The following CSMD2 variants were observed in gnomAD, a reference collection of about 807,000 sequenced individuals.
CSMD2 encodes CUB and sushi domain-containing protein 2.
A neutral mutation model predicts 398.5 loss-of-function variants in CSMD2; 130 were observed. The observed-to-expected ratio is 0.33, with a 90% confidence interval of 0.28 to 0.38. The LOEUF is 0.38. Among genes scored for constraint, CSMD2 ranks in the 10% least tolerant of loss-of-function variants. The probability of loss-of-function intolerance (pLI) is 1.00; values close to 1 mark genes in which losing one functional copy is unlikely to be tolerated. For synonymous variants in CSMD2, 1,828 were observed against 1,908.5 expected (o/e 0.96, Z 1.10); for missense variants, 3,829 against 4,764.9 (o/e 0.80, Z 5.78).
chr1:33,894,827 C>G (rs1642271541), intron 5 of CSMD2, among the ~76,000 whole-genome samples: 1 of 152,164 alleles, frequency 6.6e-6, no homozygotes, highest in African/African-American at 2.4e-5. Context: ...GGACCTCTGT[C>G]TTGTTGGGGC....
At chr1:34,081,972 C>T (rs35221913) in intron 2 of CSMD2, among the ~76,000 whole-genome samples, 4,454 of 137,362 alleles carry the variant, frequency 0.032, 200 homozygotes, top group Non-Finnish European at 0.05. Context: ...TCTAACTGGC[C>T]GCCCATCGTC....
intron 1 of CSMD2, among the ~76,000 whole-genome samples, chr1:34,150,037 G>A (rs994277303): frequency 1.9e-4 from 28 of 150,836 alleles, no homozygotes; most frequent in African/African-American, 6.3e-4. Context: ...CTCTGATTCA[G>A]AAAATCAGAG....
chr1:34,032,563 G>A (rs990857368), intron 3 of CSMD2, 31 bp downstream of exon 3: 19 of 1,409,454 alleles, frequency 1.3e-5, no homozygotes, highest in South Asian at 5.1e-5. Flanking sequence ...TCACATCTCC[G>A]GCTCCTGTGG....
intron 53 of CSMD2, among the ~76,000 whole-genome samples, chr1:33,562,684 A>G (rs1464615461): frequency 6.6e-6 from 1 of 152,186 alleles, no homozygotes; most frequent in Admixed American, 6.5e-5. Flanking sequence ...GTGAAGGGGT[A>G]TGTTTTAGAT....
chr1:33,970,382 T>A (rs981104956), intron 3 of CSMD2, among the ~76,000 whole-genome samples: 3 of 152,130 alleles, frequency 2.0e-5, no homozygotes, highest in African/African-American at 7.2e-5. Flanking sequence ...CCGCAATCGC[T>A]AATCCCACCC....
rs75659463 is a variant in CSMD2 at position 33,913,304 on chromosome 1, C to G, written c.920+4790G>C. 1.3e-3 allele frequency among the ~76,000 whole-genome samples: 198 copies of G among 152,318 alleles called. 1 individual carries two copies. The highest frequency in any genetic ancestry group is 3.4e-3 in the Middle Eastern group (1 of 294). ...GAGACTCTCCCCACACTAACCTTATCTGAGTTTCCAGGCAATTCCCCTTGA... is the reference window on the plus strand; with the variant it reads ...GAGACTCTCCCCACACTAACCTTATGTGAGTTTCCAGGCAATTCCCCTTGA... On this transcript the variant is annotated intron_variant, in intron 5 of 70. Coordinates refer to ENST00000373381, the MANE Select transcript of CSMD2 (RefSeq NM_001281956.2).
intron 3 of CSMD2, among the ~76,000 whole-genome samples, chr1:34,012,176 C>A (rs1202823856): frequency 6.6e-6 from 1 of 152,150 alleles, no homozygotes; most frequent in Non-Finnish European, 1.5e-5. Context: ...TCCCCACGAG[C>A]CACCCAGGAC....
intron 3 of CSMD2, among the ~76,000 whole-genome samples, chr1:34,020,316 T>G (rs576438873): frequency 6.6e-6 from 1 of 152,300 alleles, no homozygotes; most frequent in African/African-American, 2.4e-5. Context: ...GTCAAGTAAT[T>G]CATTACCAAG....
At chr1:33,942,972 G>A (rs991443253) in intron 3 of CSMD2, among the ~76,000 whole-genome samples, 1 of 152,018 alleles carries the variant, frequency 6.6e-6, no homozygotes, top group Non-Finnish European at 1.5e-5. Flanking sequence ...CTCACTGCTG[G>A]CCTTGCCCTC....
intron 25 of CSMD2, among the ~76,000 whole-genome samples, chr1:33,691,433 G>A (rs1296370109): frequency 6.6e-6 from 1 of 152,110 alleles, no homozygotes; most frequent in Non-Finnish European, 1.5e-5. Context: ...ATTTTCCTCA[G>A]AGTTTAGCTA....
intron 57 of CSMD2, 93 bp from the exon 58 acceptor site, chr1:33,542,989 C>T (rs1656504539): frequency 1.1e-5 from 11 of 1,011,596 alleles, no homozygotes; most frequent in Non-Finnish European, 1.6e-5. Flanking sequence ...CACATGCTAC[C>T]TCGGGACCTC....
chr1:34,162,174 CAAAAAAAA>C (rs35659871), intron 1 of CSMD2, among the ~76,000 whole-genome samples: 1 of 46,986 alleles, frequency 2.1e-5, no homozygotes, highest in Non-Finnish European at 3.9e-5. Flanking sequence ...AACTCCCTCT[CAAAAAAAA>C]AAAAAAAAAA....
At chr1:33,790,410 A>G (rs1287731389) in intron 11 of CSMD2, among the ~76,000 whole-genome samples, 2 of 152,180 alleles carry the variant, frequency 1.3e-5, no homozygotes. Context: ...CCTCCCCTGA[A>G]TAAGAGAATT....
intron 12 of CSMD2, among the ~76,000 whole-genome samples, chr1:33,788,369 A>T (rs1653799533): frequency 6.6e-6 from 1 of 151,986 alleles, no homozygotes; most frequent in South Asian, 2.1e-4. Context: ...TTAGCCAGGC[A>T]TGTTGGTGTG....
intron 2 of CSMD2, among the ~76,000 whole-genome samples, chr1:34,040,102 G>C (rs971568188): frequency 6.6e-6 from 1 of 151,812 alleles, no homozygotes; most frequent in African/African-American, 2.4e-5. Flanking sequence ...GAAGTGGGAG[G>C]ATCACTTGAG....
intron 62 of CSMD2, among the ~76,000 whole-genome samples, chr1:33,536,209 A>G (rs1365182455): frequency 6.6e-6 from 1 of 151,890 alleles, no homozygotes; most frequent in Non-Finnish European, 1.5e-5. Context: ...GAACACACCC[A>G]TTCTTCCTTT....
rs150524079 is a variant in CSMD2 at position 33,820,328 on chromosome 1, T to C, written c.1199+141A>G. ...GAACCAGGAGAGAATGTCAAAGCCATAGCTCTTCTCCAGGAAGTGTCTGTT... is the reference window on the plus strand; with the variant it reads ...GAACCAGGAGAGAATGTCAAAGCCACAGCTCTTCTCCAGGAAGTGTCTGTT... On this transcript the variant is annotated intron_variant, in intron 8 of 70. Coordinates refer to ENST00000373381, the MANE Select transcript of CSMD2 (RefSeq NM_001281956.2). The C allele has an allele frequency of 1.0e-3, 705 of 694,448 alleles. 5 individuals carry two copies. The African/African-American group carries it at 0.011, about 11-fold the overall frequency. The allele number at this position is 694,448 out of a possible 1,614,324, so 43.0% of individuals were successfully genotyped here. A position where few individuals can be genotyped will look rare whatever the true frequency, so the allele number is the denominator to read the frequency against.
chr1:33,528,616 T>C (rs896085245), intron 64 of CSMD2, among the ~76,000 whole-genome samples: 9 of 152,234 alleles, frequency 5.9e-5, no homozygotes, highest in African/African-American at 2.2e-4. Flanking sequence ...GATAGGCACT[T>C]CTTCATTTCC....
At chr1:33,646,170 T>C (rs1036397267) in intron 29 of CSMD2, among the ~76,000 whole-genome samples, 2 of 151,860 alleles carry the variant, frequency 1.3e-5, no homozygotes, top group African/African-American at 4.8e-5. Context: ...GGCCAAGGAG[T>C]GTCCTTGGGA....
Sources: allele counts gnomAD v4.1 joint callset (sites outside exome capture counted in the v4.1 genomes callset), GRCh38; gene constraint gnomAD v4.1.1; transcripts MANE v1.5; gene names NCBI Gene and HGNC (gene_info 2026-07-23, HGNC 2026-07-21).